Variants in THSD4 observed in about 807,000 individuals in gnomAD.
The protein encoded by THSD4 is thrombospondin type-1 domain-containing protein 4.
In THSD4, 69 loss-of-function variants were observed where a neutral mutation model predicts 119.0. That is an observed-to-expected ratio of 0.58 (90% CI 0.48 to 0.71). The LOEUF is 0.71. Ranked by LOEUF, THSD4 falls within the 30% of genes least tolerant of loss-of-function variation. The pLI is 0.00. For missense variants in THSD4, 1,393 were observed against 1,391.1 expected (o/e 1.00, Z -0.02); for synonymous variants, 524 against 540.4 (o/e 0.97, Z 0.42).
chr15:71,449,574 A>G (rs2047234988), intron 7 of THSD4, among the ~76,000 whole-genome samples: 2 of 152,252 alleles, frequency 1.3e-5, no homozygotes, highest in Admixed American at 1.3e-4. Flanking sequence ...TGTAAGTACT[A>G]AAAATACAAT....
intron 7 of THSD4, among the ~76,000 whole-genome samples, chr15:71,423,366 G>A (rs557891654): frequency 1.3e-5 from 2 of 152,294 alleles, no homozygotes; most frequent in South Asian, 4.1e-4. Context: ...CCTGGTTACT[G>A]CTGCTGATTA....
At chr15:71,701,395 T>G (rs1396748608) in intron 8 of THSD4, among the ~76,000 whole-genome samples, 1 of 152,120 alleles carries the variant, frequency 6.6e-6, no homozygotes. Context: ...GGGAGAAGTT[T>G]GTGACTCACT....
intron 7 of THSD4, among the ~76,000 whole-genome samples, chr15:71,579,832 T>C (rs2049524247): frequency 6.6e-6 from 1 of 152,118 alleles, no homozygotes; most frequent in Non-Finnish European, 1.5e-5. Context: ...CCCAACTCTA[T>C]GTATATTAGT....
At chr15:71,529,305 CT>C (rs35870535) in intron 7 of THSD4, among the ~76,000 whole-genome samples, 41,994 of 152,144 alleles carry the variant, frequency 0.28, 6,296 homozygotes, top group Non-Finnish European at 0.35. Flanking sequence ...CTAGCTTTGC[CT>C]TAACGAATAA....
At chr15:71,298,591 C>T (rs993253907) in intron 6 of THSD4, among the ~76,000 whole-genome samples, 4 of 151,008 alleles carry the variant, frequency 2.6e-5, no homozygotes, top group Non-Finnish European at 5.9e-5. Flanking sequence ...TGAGACTGAC[C>T]CCTGGATATG....
At chr15:71,518,485 A>T (rs2048392708) in intron 7 of THSD4, among the ~76,000 whole-genome samples, 1 of 152,200 alleles carries the variant, frequency 6.6e-6, no homozygotes, top group Non-Finnish European at 1.5e-5. Flanking sequence ...TCTGAAAAAG[A>T]GAAAGAGATC....
chr15:71,261,997 G>A (rs1205486143), intron 6 of THSD4, among the ~76,000 whole-genome samples: 2 of 152,106 alleles, frequency 1.3e-5, no homozygotes, highest in African/African-American at 4.8e-5. Context: ...AGGCTGACCG[G>A]CGGGAGGAAG....
At chr15:71,536,429 C>G (rs2048690130) in intron 7 of THSD4, among the ~76,000 whole-genome samples, 1 of 152,152 alleles carries the variant, frequency 6.6e-6, no homozygotes, top group African/African-American at 2.4e-5. Context: ...CTAAAATAAT[C>G]TCTGTATTTT....
At chr15:71,109,622 G>A (rs949017074) in intron 1 of THSD4, among the ~76,000 whole-genome samples, 15 of 152,064 alleles carry the variant, frequency 9.9e-5, no homozygotes, top group Non-Finnish European at 1.5e-4. Flanking sequence ...GAGCAATGGC[G>A]GTGTAGTGTT....
In THSD4 at chr15:71,434,236, C is replaced by T. The variant is rs181038974; in HGVS notation, c.1152+22413C>T. On this transcript the variant is annotated intron_variant, in intron 7 of 17. Coordinates refer to ENST00000261862, the MANE Select transcript of THSD4 (RefSeq NM_024817.3). ...TATTTCTAAATCGGTACCATCTAAA[C>T]AACATACAAACACATGTATACACAT... Among the ~76,000 whole-genome samples, 15 of 152,136 alleles carry T rather than the reference C, an allele frequency of 9.9e-5. No individual in the cohort carries two copies. In the East Asian group the frequency reaches 1.9e-3, roughly 20 times the overall value.
chr15:71,141,689 CT>C, intron 2 of THSD4, 133 bp downstream of exon 2: 1 of 1,082,744 alleles, frequency 9.2e-7, no homozygotes, highest in Non-Finnish European at 1.3e-6. Flanking sequence ...AATACGTCCA[CT>C]TGTGTAAAAG....
chr15:71,708,234 G>GC (rs1262230785), intron 8 of THSD4, among the ~76,000 whole-genome samples: 1 of 152,184 alleles, frequency 6.6e-6, no homozygotes. Flanking sequence ...GAGTAGGAGT[G>GC]CTCTGACCCA....
chr15:71,384,215 T>C (rs1596387055), intron 6 of THSD4, among the ~76,000 whole-genome samples: 1 of 152,132 alleles, frequency 6.6e-6, no homozygotes, highest in East Asian at 1.9e-4. Flanking sequence ...CCGTCTCTAC[T>C]AAAAATACAA....
intron 7 of THSD4, among the ~76,000 whole-genome samples, chr15:71,487,524 C>A (rs984501116): frequency 6.6e-6 from 1 of 152,130 alleles, no homozygotes; most frequent in African/African-American, 2.4e-5. Context: ...AACTGTCAAC[C>A]AGTGTATAAG....
At position 71,141,501 on chromosome 15, in the gene THSD4, C is replaced by T. The variant is rs2040603617; in HGVS notation, c.-27C>T. On this transcript the variant is annotated 5_prime_UTR_variant, in exon 2 of 18. Coordinates refer to ENST00000261862, the MANE Select transcript of THSD4 (RefSeq NM_024817.3). ...AAATTGGCAACGTCTCTGAAGAGCC[C>T]TTGCTTTTGCCTGGACCCCCAGCAT... 4 of 1,604,276 alleles carry T rather than the reference C, an allele frequency of 2.5e-6. No individual in the cohort carries two copies. The East Asian group carries it at 8.9e-5, about 36-fold the overall frequency.
In THSD4 at chr15:71,771,391, G is replaced by A. The variant is rs565247979; in HGVS notation, c.2914+183G>A. On this transcript the variant is annotated intron_variant, in intron 17 of 17. Transcript: ENST00000261862. ...ATGGTTTAAGATGATCATTCATAGC[G>A]AGGATGGCTGTCTAAGCCACCCACC... 1.2e-3 allele frequency among the ~76,000 whole-genome samples: 176 copies of A among 152,274 alleles called. 1 individual carries two copies. Among genetic ancestry groups the A allele is most frequent in the African/African-American group, 3.9e-3 (162 of 41,552 alleles).
chr15:71,115,858 C>T lies in THSD4; in HGVS notation c.-80+160C>T, dbSNP rs866559559. 6.6e-6 allele frequency among the ~76,000 whole-genome samples: 1 copy of T among 151,730 alleles called. No individual in the cohort carries two copies. On this transcript the variant is annotated intron_variant, in intron 1 of 17. Transcript: ENST00000261862. The surrounding 1 kb of genome is among the most constrained non-coding windows in gnomAD (Gnocchi z 4.4). ...CGGGGCGCCGCGGGCTGCGCCGCTC[C>T]GGGCTCGGGGAGCCAGCGCGCGCCT...
chr15:71,372,311 G>A (rs1025107451), intron 6 of THSD4, among the ~76,000 whole-genome samples: 5 of 152,174 alleles, frequency 3.3e-5, no homozygotes, highest in South Asian at 2.1e-4. Flanking sequence ...GCTTTGTTCC[G>A]TTGCTGGCGA....
At chr15:71,717,985 C>G (rs1567116651) in intron 8 of THSD4, among the ~76,000 whole-genome samples, 1 of 151,880 alleles carries the variant, frequency 6.6e-6, no homozygotes, top group East Asian at 1.9e-4. Flanking sequence ...CCTTTCTCTA[C>G]AAAAAAATTA....
Sources: allele counts gnomAD v4.1 joint callset (sites outside exome capture counted in the v4.1 genomes callset), GRCh38; gene constraint gnomAD v4.1.1; non-coding constraint Gnocchi (gnomAD v3.1); transcripts MANE v1.5; gene names NCBI Gene and HGNC (gene_info 2026-07-23, HGNC 2026-07-21).